ENTREP2: variants seen among roughly 807,000 people sequenced by gnomAD.
ENTREP2 encodes endosomal transmembrane epsin interactor 2.
chr15:29,314,274 T>TG, the ENTREP2 span, among the ~76,000 whole-genome samples: 5 of 152,190 alleles, frequency 3.3e-5, no homozygotes, highest in Non-Finnish European at 5.9e-5. Context: ...AAAGCTCTAC[T>TG]GTGGGTAAAA....
the ENTREP2 span, among the ~76,000 whole-genome samples, chr15:29,146,535 A>G: frequency 6.6e-6 from 1 of 152,218 alleles, no homozygotes; most frequent in African/African-American, 2.4e-5. Context: ...TGTTACCAAG[A>G]CCATTCAACG....
At chr15:29,380,603 A>G in the ENTREP2 span, among the ~76,000 whole-genome samples, 4 of 152,050 alleles carry the variant, frequency 2.6e-5, no homozygotes, top group African/African-American at 9.7e-5. Flanking sequence ...TGCTCAGGGC[A>G]TTTTTCCGAG....
chr15:29,624,459 G>A, the ENTREP2 span, among the ~76,000 whole-genome samples: 1 of 152,102 alleles, frequency 6.6e-6, no homozygotes, highest in Non-Finnish European at 1.5e-5. Context: ...TATGTTTAAA[G>A]CAATATGTCT....
chr15:29,162,252 G>T, the ENTREP2 span, among the ~76,000 whole-genome samples: 1 of 152,180 alleles, frequency 6.6e-6, no homozygotes, highest in East Asian at 1.9e-4. Flanking sequence ...AAACTCAACA[G>T]GGAGAAGGAA....
At chr15:29,282,024 A>C in the ENTREP2 span, among the ~76,000 whole-genome samples, 3 of 152,206 alleles carry the variant, frequency 2.0e-5, no homozygotes, top group African/African-American at 7.2e-5. Context: ...TGCCCAGATA[A>C]CTAAAGTCTG....
At chr15:29,349,223 C>G in the ENTREP2 span, among the ~76,000 whole-genome samples, 5 of 152,206 alleles carry the variant, frequency 3.3e-5, no homozygotes, top group South Asian at 8.3e-4. Flanking sequence ...AAGCAAAATC[C>G]TAACGTACTT....
chr15:29,352,557 C>T, the ENTREP2 span, among the ~76,000 whole-genome samples: 10 of 152,098 alleles, frequency 6.6e-5, no homozygotes, highest in Non-Finnish European at 1.0e-4. Flanking sequence ...TTCTTGTAAC[C>T]GCTCGCCTGT....
chr15:29,151,898 C>T, the ENTREP2 span: 2 of 1,323,180 alleles, frequency 1.5e-6, no homozygotes, highest in Non-Finnish European at 2.1e-6. Context: ...TAGCAGAATC[C>T]TTAGCCCTCC....
At chr15:29,311,758 T>A in the ENTREP2 span, among the ~76,000 whole-genome samples, 1 of 152,120 alleles carries the variant, frequency 6.6e-6, no homozygotes, top group Non-Finnish European at 1.5e-5. Flanking sequence ...TAAGTAGATA[T>A]TACACACTAT....
the ENTREP2 span, among the ~76,000 whole-genome samples, chr15:29,502,687 T>C: frequency 6.6e-3 from 1,001 of 152,140 alleles, 5 homozygotes; most frequent in African/African-American, 0.023. Context: ...TTACAAATCA[T>C]ATGTCTGATA....
the ENTREP2 span, among the ~76,000 whole-genome samples, chr15:29,330,436 G>A: frequency 2.6e-5 from 4 of 151,986 alleles, no homozygotes; most frequent in Admixed American, 6.6e-5. Context: ...GCGACAGAGC[G>A]AGACTCTGTC....
At chr15:29,135,676 G>A in the ENTREP2 span, among the ~76,000 whole-genome samples, 2 of 152,166 alleles carry the variant, frequency 1.3e-5, no homozygotes, top group Admixed American at 1.3e-4. The surrounding 1 kb of genome is among the most constrained non-coding windows in gnomAD (Gnocchi z 7.4). Context: ...TTACAGATGA[G>A]GAAACTGAGG....
the ENTREP2 span, among the ~76,000 whole-genome samples, chr15:29,156,053 G>C: frequency 6.6e-6 from 1 of 152,178 alleles, no homozygotes; most frequent in African/African-American, 2.4e-5. Flanking sequence ...GGTGGGGCTG[G>C]AGGGAGGCTG....
chr15:29,148,962 C>T, the ENTREP2 span, among the ~76,000 whole-genome samples: 2 of 151,982 alleles, frequency 1.3e-5, no homozygotes, highest in Non-Finnish European at 2.9e-5. Context: ...CTGCAACCTC[C>T]GCCTCCCAGG....
At chr15:29,269,743 C>T in the ENTREP2 span, 3 of 1,441,714 alleles carry the variant, frequency 2.1e-6, no homozygotes, top group Non-Finnish European at 2.7e-6. Flanking sequence ...CTCCGGTAGG[C>T]AAGCAGCCGC....
the ENTREP2 span, among the ~76,000 whole-genome samples, chr15:29,383,354 C>T: frequency 6.6e-6 from 1 of 152,202 alleles, no homozygotes; most frequent in Non-Finnish European, 1.5e-5. Flanking sequence ...TCTTCTTCCC[C>T]GTCACTCAAG....
the ENTREP2 span, among the ~76,000 whole-genome samples, chr15:29,357,862 A>G: frequency 2.8e-4 from 42 of 151,904 alleles, no homozygotes; most frequent in Admixed American, 4.6e-4. Flanking sequence ...GAAAAGAAAA[A>G]AAAAAAAAAC....
At chr15:29,213,188 CT>C in the ENTREP2 span, among the ~76,000 whole-genome samples, 1 of 152,218 alleles carries the variant, frequency 6.6e-6, no homozygotes, top group Admixed American at 6.5e-5. Flanking sequence ...GTTTTGGTTA[CT>C]GTAGCCTTGT....
chr15:29,624,675 C>T, the ENTREP2 span, among the ~76,000 whole-genome samples: 16 of 152,074 alleles, frequency 1.1e-4, no homozygotes, highest in African/African-American at 3.9e-4. Flanking sequence ...CTATTTATTT[C>T]AAAATAATTG....
Sources: allele counts gnomAD v4.1 joint callset (sites outside exome capture counted in the v4.1 genomes callset), GRCh38; gene constraint gnomAD v4.1.1; non-coding constraint Gnocchi (gnomAD v3.1); transcripts MANE v1.5; gene names NCBI Gene and HGNC (gene_info 2026-07-23, HGNC 2026-07-21).